ARHGAP23: variants seen among roughly 807,000 people sequenced by gnomAD.
ARHGAP23 encodes rho GTPase-activating protein 23.
In ARHGAP23, 34 loss-of-function variants were observed where a neutral mutation model predicts 136.3. That is an observed-to-expected ratio of 0.25 (90% CI 0.19 to 0.33). The LOEUF is 0.33. Among genes scored for constraint, ARHGAP23 ranks in the 10% least tolerant of loss-of-function variants. The probability of loss-of-function intolerance (pLI) is 1.00; values close to 1 mark genes in which losing one functional copy is unlikely to be tolerated. For missense variants in ARHGAP23, 1,808 were observed against 2,139.0 expected (o/e 0.85, Z 3.05); for synonymous variants, 832 against 920.5 (o/e 0.90, Z 1.74).
At chr17:38,495,063 C>T (rs915365626) in intron 20 of ARHGAP23, among the ~76,000 whole-genome samples, 6 of 152,078 alleles carry the variant, frequency 3.9e-5, no homozygotes, top group African/African-American at 1.2e-4. Flanking sequence ...CTGCACTCGA[C>T]GTTTTCCATA....
intron 17 of ARHGAP23, among the ~76,000 whole-genome samples, chr17:38,486,459 T>C (rs1597827093): frequency 6.6e-6 from 1 of 151,206 alleles, no homozygotes; most frequent in East Asian, 2.0e-4. Flanking sequence ...GGTGTTGCAC[T>C]CCTGGGCTCA....
chr17:38,499,290 T>A (rs2040468198), intron 22 of ARHGAP23, among the ~76,000 whole-genome samples: 1 of 152,146 alleles, frequency 6.6e-6, no homozygotes, highest in South Asian at 2.1e-4. Context: ...GGACCGACAC[T>A]CTCTGGAGAC....
At position 38,479,513 on chromosome 17, in the gene ARHGAP23, C is replaced by G; in HGVS notation, c.2498+16C>G. On this transcript the variant is annotated intron_variant, in intron 13 of 23. Coordinates refer to ENST00000622683, the MANE Select transcript of ARHGAP23 (RefSeq NM_001199417.2). ...GCAAAGTGAGGTGAGGCCCAGCCCT[C>G]GTGGAGCAGTCTCCTCTGTGGGGGT... 2 of 1,546,998 alleles carry G rather than the reference C, an allele frequency of 1.3e-6. No homozygotes were observed. The highest frequency in any genetic ancestry group is 8.7e-7 in the Non-Finnish European group (1 of 1,144,572).
At position 38,467,213 on chromosome 17, in the gene ARHGAP23, C is replaced by A. The variant is rs1308933453; in HGVS notation, c.1530C>A (p.Asn510Lys). 4 of 1,550,838 alleles carry A rather than the reference C, an allele frequency of 2.6e-6. No homozygotes were observed. The highest frequency in any genetic ancestry group is 2.4e-5 in the South Asian group (2 of 84,028). Residue 510 changes from asparagine (N) to lysine (K), a missense_variant, in exon 7 of 24, where the codon AAC (asparagine) becomes AAA (lysine). This residue lies in a region of ARHGAP23 where 859 missense variants were observed against 936.4 expected (regional missense o/e 0.92). Coordinates refer to ENST00000622683, the MANE Select transcript of ARHGAP23 (RefSeq NM_001199417.2). ...AGCTGACCCCCGCAAGACAGATGAA[C>A]CTTGGATTTGGTGACGAGTCCCCAG... ...KVQLTPARQM[N>K]LGFGDESPEP...
intron 14 of ARHGAP23, among the ~76,000 whole-genome samples, chr17:38,480,515 T>A (rs2040011483): frequency 6.6e-6 from 1 of 151,730 alleles, no homozygotes; most frequent in Admixed American, 6.6e-5. Context: ...GCACCTGTAG[T>A]CCCAGCTACT....
chr17:38,472,112 T>C (rs2039774694), intron 11 of ARHGAP23, 106 bp downstream of exon 11: 1 of 1,250,962 alleles, frequency 8.0e-7, no homozygotes, highest in South Asian at 1.6e-5. Flanking sequence ...CCAGTGTAGG[T>C]TGTTGCATGA....
chr17:38,477,012 G>T lies in ARHGAP23; in HGVS notation c.2119-567G>T, dbSNP rs2039908675. On this transcript the variant is annotated intron_variant, in intron 11 of 23. Transcript: ENST00000622683. The surrounding 1 kb of genome is among the most constrained non-coding windows in gnomAD (Gnocchi z 6.6). ...ATAGGGTCTGGAGAGGGAAGGAGGG[G>T]CTGGCTGTGTCAGATGCCGCTGAGG... 6.6e-6 allele frequency among the ~76,000 whole-genome samples: 1 copy of T among 152,108 alleles called. No homozygotes were observed. The highest frequency in any genetic ancestry group is 1.9e-4 in the East Asian group (1 of 5,186).
chr17:38,480,840 C>T (rs143176939), intron 14 of ARHGAP23, among the ~76,000 whole-genome samples: 215 of 151,316 alleles, frequency 1.4e-3, no homozygotes, highest in Non-Finnish European at 2.4e-3. Flanking sequence ...AAAGTTGTTC[C>T]CTTGGGCCAG....
intron 3 of ARHGAP23, among the ~76,000 whole-genome samples, chr17:38,462,201 G>A (rs1303483321): frequency 6.7e-6 from 1 of 148,538 alleles, no homozygotes; most frequent in Non-Finnish European, 1.5e-5. Context: ...ATCTGTCTCG[G>A]CCTCCCAAAG....
At chr17:38,485,477 G>A (rs1241556199) in intron 16 of ARHGAP23, among the ~76,000 whole-genome samples, 2 of 152,156 alleles carry the variant, frequency 1.3e-5, no homozygotes, top group Non-Finnish European at 2.9e-5. Context: ...GCATGAACAC[G>A]GAAACAAAAG....
intron 1 of ARHGAP23, among the ~76,000 whole-genome samples, chr17:38,449,365 C>G (rs1035722670): frequency 6.6e-6 from 1 of 152,166 alleles, no homozygotes; most frequent in Non-Finnish European, 1.5e-5. Flanking sequence ...AGTGCCAGTG[C>G]GGGGTGCCCA....
At chr17:38,490,592 C>A (rs760318166) in intron 19 of ARHGAP23, 41 bp downstream of exon 19, 1 of 1,441,758 alleles carries the variant, frequency 6.9e-7, no homozygotes, top group South Asian at 1.2e-5. Context: ...GAGGCAAGCA[C>A]GGACTTACTG....
chr17:38,439,954 C>T (rs577833261), intron 1 of ARHGAP23, among the ~76,000 whole-genome samples: 2 of 151,856 alleles, frequency 1.3e-5, no homozygotes, highest in Non-Finnish European at 2.9e-5. Context: ...GGTCTAACTC[C>T]TGACCTTAGG....
chr17:38,460,533 G>C (rs1246787997), intron 2 of ARHGAP23, among the ~76,000 whole-genome samples: 1 of 152,072 alleles, frequency 6.6e-6, no homozygotes, highest in Non-Finnish European at 1.5e-5. Context: ...GTATTCCCTG[G>C]AGCTGATAGC....
chr17:38,493,630 C>A (rs1330379457), intron 20 of ARHGAP23, among the ~76,000 whole-genome samples: 2 of 152,244 alleles, frequency 1.3e-5, no homozygotes, highest in African/African-American at 4.8e-5. Context: ...TCTGCAAGCC[C>A]TGAAAGCCTG....
intron 2 of ARHGAP23, among the ~76,000 whole-genome samples, chr17:38,458,759 A>C (rs1393001469): frequency 1.3e-5 from 2 of 152,156 alleles, no homozygotes; most frequent in Non-Finnish European, 2.9e-5. Context: ...GCCACAGCTC[A>C]GTGCGCTGGA....
At chr17:38,470,004 C>T in intron 10 of ARHGAP23, 100 bp downstream of exon 10, 2 of 1,385,574 alleles carry the variant, frequency 1.4e-6, no homozygotes, top group Non-Finnish European at 2.0e-6. Flanking sequence ...GGTTCCTGCT[C>T]CAGCTCCTGC....
chr17:38,461,716 C>T (rs536272189), intron 3 of ARHGAP23, among the ~76,000 whole-genome samples: 1 of 152,216 alleles, frequency 6.6e-6, no homozygotes, highest in Non-Finnish European at 1.5e-5. Context: ...GTCCCTTGAG[C>T]CTGGGGAAGG....
At chr17:38,454,260 C>A (rs564623596) in intron 1 of ARHGAP23, 2 of 152,624 alleles carry the variant, frequency 1.3e-5, no homozygotes, top group Admixed American at 6.5e-5. Flanking sequence ...AGGACTGATG[C>A]CCCTGGAACG....
Sources: allele counts gnomAD v4.1 joint callset (sites outside exome capture counted in the v4.1 genomes callset), GRCh38; gene constraint gnomAD v4.1.1; regional missense constraint gnomAD v4.1.1; non-coding constraint Gnocchi (gnomAD v3.1); transcripts MANE v1.5; gene names NCBI Gene and HGNC (gene_info 2026-07-23, HGNC 2026-07-21).